Variants in COL8A1 observed in about 807,000 individuals in gnomAD.
The protein encoded by COL8A1 is collagen type VIII alpha 1 chain, also known as collagen alpha-1(VIII) chain.
In COL8A1, 21 loss-of-function variants were observed where a neutral mutation model predicts 42.7. That is an observed-to-expected ratio of 0.49 (90% CI 0.35 to 0.71). The LOEUF (loss-of-function observed/expected upper bound fraction) is 0.71. Ranked by LOEUF, COL8A1 falls within the 30% of genes least tolerant of loss-of-function variation. COL8A1 has a pLI of 0.01. For synonymous variants in COL8A1, 367 were observed against 369.1 expected (o/e 0.99, Z 0.06); for missense variants, 788 against 962.4 (o/e 0.82, Z 2.40).
At chr3:99,776,861 G>T (rs539308322) in intron 2 of COL8A1, among the ~76,000 whole-genome samples, 10 of 152,286 alleles carry the variant, frequency 6.6e-5, no homozygotes, top group Admixed American at 2.6e-4. Flanking sequence ...TTTTTAGACC[G>T]TATAGTGTAA....
chr3:99,738,483 C>T (rs925345172), intron 1 of COL8A1, among the ~76,000 whole-genome samples: 1 of 152,144 alleles, frequency 6.6e-6, no homozygotes, highest in East Asian at 1.9e-4. Flanking sequence ...AATACGCTGC[C>T]GTGTGAGGTG....
chr3:99,791,555 G>T (rs1942001143), intron 3 of COL8A1, among the ~76,000 whole-genome samples: 1 of 152,220 alleles, frequency 6.6e-6, no homozygotes, highest in African/African-American at 2.4e-5. Context: ...TAAGAGTATA[G>T]ACTGCATCTA....
Position 99,795,341 on chromosome 3 carries a change from A to C in COL8A1, c.1440A>C (p.Gly480=). The C allele has an allele frequency of 6.3e-7, 1 of 1,596,202 alleles. No homozygotes were observed. Among genetic ancestry groups the C allele is most frequent in the Non-Finnish European group, 8.5e-7 (1 of 1,171,034 alleles). Residue 480 remains glycine (G), a synonymous_variant, in exon 4 of 4, where the codon GGA becomes GGC. Coordinates refer to ENST00000652472, the MANE Select transcript of COL8A1 (RefSeq NM_020351.4). ...PGLPGVPGLL[G]PKGEPGIPGD... ...TCCCTGGTGTTCCAGGGCTTCTCGG[A>C]CCTAAGGGAGAGCCAGGAATCCCAG...
chr3:99,714,613 C>T (rs1328585998), intron 1 of COL8A1, among the ~76,000 whole-genome samples: 1 of 152,102 alleles, frequency 6.6e-6, no homozygotes, highest in Non-Finnish European at 1.5e-5. Context: ...GTCCCAGGGA[C>T]CTGTTTCCAT....
At chr3:99,716,930 G>T (rs369947499) in intron 1 of COL8A1, among the ~76,000 whole-genome samples, 1 of 151,784 alleles carries the variant, frequency 6.6e-6, no homozygotes. Flanking sequence ...TATTTCCAAG[G>T]GGTCTAATTC....
chr3:99,774,707 G>A (rs865817741), intron 2 of COL8A1, among the ~76,000 whole-genome samples: 1 of 152,172 alleles, frequency 6.6e-6, no homozygotes, highest in Non-Finnish European at 1.5e-5. Flanking sequence ...GAAGGAGTCT[G>A]AGCAGTGAAC....
intron 2 of COL8A1, among the ~76,000 whole-genome samples, chr3:99,757,777 C>T (rs1159262407): frequency 6.6e-6 from 1 of 151,842 alleles, no homozygotes; most frequent in Non-Finnish European, 1.5e-5. Flanking sequence ...AAACTAAGGC[C>T]CTTTTCAGAA....
At chr3:99,787,222 A>G (rs1367433169) in intron 2 of COL8A1, among the ~76,000 whole-genome samples, 1 of 152,112 alleles carries the variant, frequency 6.6e-6, no homozygotes, top group Non-Finnish European at 1.5e-5. Flanking sequence ...GTATCACATT[A>G]CTCTGTTATG....
At chr3:99,731,967 C>T (rs1354974883) in intron 1 of COL8A1, among the ~76,000 whole-genome samples, 1 of 152,094 alleles carries the variant, frequency 6.6e-6, no homozygotes, top group Non-Finnish European at 1.5e-5. Context: ...GATGCCTCTA[C>T]AAGCTGAGAG....
At chr3:99,771,113 T>C (rs921078192) in intron 2 of COL8A1, among the ~76,000 whole-genome samples, 5 of 152,162 alleles carry the variant, frequency 3.3e-5, no homozygotes, top group Non-Finnish European at 7.4e-5. Context: ...AAGGTCAGTG[T>C]GGCCGATGCT....
At chr3:99,708,185 G>A (rs985751129) in intron 1 of COL8A1, among the ~76,000 whole-genome samples, 5 of 152,012 alleles carry the variant, frequency 3.3e-5, no homozygotes, top group African/African-American at 9.7e-5. Flanking sequence ...AGTGTTTATG[G>A]TGCTACCCCT....
Position 99,798,598 on chromosome 3 carries a change from T to C in COL8A1, c.*2462T>C, listed in dbSNP as rs1164725365. 7.5e-6 allele frequency: 1 copy of C among 134,104 alleles called. No individual in the cohort carries two copies. Among genetic ancestry groups the C allele is most frequent in the African/African-American group, 3.0e-5 (1 of 33,342 alleles). The allele number at this position is 134,104 out of a possible 1,614,324, so 8.3% of individuals were successfully genotyped here. A position where few individuals can be genotyped will look rare whatever the true frequency, so the allele number is the denominator to read the frequency against. On this transcript the variant is annotated 3_prime_UTR_variant, in exon 4 of 4. Transcript: ENST00000652472. The stretch of plus-strand genomic sequence containing the variant: ...AACTTATTTATTGGTTGTCACTCAA[T>C]TGCCTATATATATATATATATGTGT...
intron 1 of COL8A1, among the ~76,000 whole-genome samples, chr3:99,735,245 G>A (rs1313528682): frequency 1.4e-5 from 2 of 139,638 alleles, no homozygotes; most frequent in African/African-American, 2.8e-5. Context: ...CAAAGGGAAT[G>A]CTTCCAGTTT....
intron 2 of COL8A1, among the ~76,000 whole-genome samples, chr3:99,755,156 AAAAC>A (rs1306421403): frequency 1.3e-5 from 2 of 152,216 alleles, no homozygotes; most frequent in Non-Finnish European, 2.9e-5. Context: ...AGTGTAAAGA[AAAAC>A]AAAGGAAATT....
At chr3:99,688,141 AC>A (rs1335001074) in intron 1 of COL8A1, among the ~76,000 whole-genome samples, 1 of 152,224 alleles carries the variant, frequency 6.6e-6, no homozygotes, top group Non-Finnish European at 1.5e-5. Flanking sequence ...ATATGTGGAA[AC>A]ACATATCTGC....
intron 1 of COL8A1, among the ~76,000 whole-genome samples, chr3:99,713,903 GT>G (rs1370833883): frequency 6.6e-6 from 1 of 152,124 alleles, no homozygotes; most frequent in East Asian, 1.9e-4. Flanking sequence ...AGAAGAAGCT[GT>G]TTTACTTAAT....
At chr3:99,750,715 A>C (rs968240003) in intron 2 of COL8A1, among the ~76,000 whole-genome samples, 5 of 152,192 alleles carry the variant, frequency 3.3e-5, no homozygotes, top group Non-Finnish European at 7.3e-5. Flanking sequence ...TCTCTAGACA[A>C]GAAAGGTTAA....
intron 1 of COL8A1, among the ~76,000 whole-genome samples, chr3:99,650,025 G>C (rs1937790048): frequency 6.6e-6 from 1 of 152,138 alleles, no homozygotes; most frequent in South Asian, 2.1e-4. Flanking sequence ...ACTTTAGCTT[G>C]ACAGTCGAGT....
chr3:99,674,615 C>T (rs539602378), intron 1 of COL8A1, among the ~76,000 whole-genome samples: 2 of 152,120 alleles, frequency 1.3e-5, no homozygotes, highest in South Asian at 4.2e-4. Context: ...TCACATACCT[C>T]ACCACCTGGA....
Sources: allele counts gnomAD v4.1 joint callset (sites outside exome capture counted in the v4.1 genomes callset), GRCh38; gene constraint gnomAD v4.1.1; transcripts MANE v1.5; gene names NCBI Gene and HGNC (gene_info 2026-07-23, HGNC 2026-07-21).